The following PVT1 variants were observed in gnomAD, a reference collection of about 807,000 sequenced individuals.
PVT1 encodes the protein Pvt1 oncogene, also known as CXCR4/PVT1 fusion.
At chr8:127,876,055 C>T (rs559474671) in intron 2 of PVT1, among the ~76,000 whole-genome samples, 90 of 152,334 alleles carry the variant, frequency 5.9e-4, no homozygotes, top group African/African-American at 2.0e-3. Flanking sequence ...GCCAGGTTTA[C>T]TGAACAGAGT....
chr8:127,818,446 T>C (rs1437274704), intron 2 of PVT1, among the ~76,000 whole-genome samples: 2 of 152,148 alleles, frequency 1.3e-5, no homozygotes, highest in African/African-American at 4.8e-5. Context: ...CAGGCAGGTC[T>C]CTCTTCCAGG....
chr8:127,806,116 A>T (rs766097906), intron 2 of PVT1, among the ~76,000 whole-genome samples: 3 of 152,216 alleles, frequency 2.0e-5, no homozygotes, highest in Non-Finnish European at 4.4e-5. Context: ...CAAAAAGACA[A>T]ACAGCCTTAT....
chr8:127,850,398 G>C (rs1815095225), intron 2 of PVT1, among the ~76,000 whole-genome samples: 3 of 152,206 alleles, frequency 2.0e-5, no homozygotes, highest in Admixed American at 6.5e-5. Context: ...ACCAGCATCT[G>C]TTGGGGGCAC....
intron 3 of PVT1, among the ~76,000 whole-genome samples, chr8:127,952,683 T>A (rs1181390168): frequency 6.6e-6 from 1 of 152,230 alleles, no homozygotes; most frequent in Non-Finnish European, 1.5e-5. Flanking sequence ...CATTTTCCGA[T>A]GAGGCAACAG....
intron 3 of PVT1, among the ~76,000 whole-genome samples, chr8:127,976,413 A>C (rs1397034812): frequency 1.3e-5 from 2 of 152,216 alleles, no homozygotes; most frequent in Admixed American, 6.5e-5. Context: ...TCCACTGGCT[A>C]CTGAAATCTT....
At chr8:127,940,736 G>A (rs1292330569) in intron 3 of PVT1, among the ~76,000 whole-genome samples, 3 of 151,974 alleles carry the variant, frequency 2.0e-5, no homozygotes, top group Admixed American at 2.0e-4. Flanking sequence ...GAGTAGCTGG[G>A]ACTTCAGGCA....
At chr8:128,012,272 C>T (rs768048210) in intron 4 of PVT1, among the ~76,000 whole-genome samples, 6 of 152,116 alleles carry the variant, frequency 3.9e-5, no homozygotes, top group Non-Finnish European at 8.8e-5. Context: ...AGGCTTGGAC[C>T]TGGGTCTCTA....
chr8:127,837,684 A>G (rs1359138153), intron 2 of PVT1, among the ~76,000 whole-genome samples: 1 of 152,116 alleles, frequency 6.6e-6, no homozygotes, highest in East Asian at 1.9e-4. Flanking sequence ...AAGTGACCCT[A>G]TGAAGCAGAG....
intron 2 of PVT1, among the ~76,000 whole-genome samples, chr8:127,875,768 A>C (rs1815398069): frequency 6.6e-6 from 1 of 152,150 alleles, no homozygotes; most frequent in Non-Finnish European, 1.5e-5. Context: ...CTTCCAAGGG[A>C]AGGGTGGGGA....
At chr8:128,060,310 C>T (rs1467165940) in intron 4 of PVT1, among the ~76,000 whole-genome samples, 1 of 152,158 alleles carries the variant, frequency 6.6e-6, no homozygotes, top group Non-Finnish European at 1.5e-5. Flanking sequence ...GTCTCGCTCT[C>T]ATGATGAGCT....
intron 6 of PVT1, among the ~76,000 whole-genome samples, chr8:128,098,487 G>A (rs3931283): frequency 0.4 from 60,150 of 152,074 alleles, 14,087 homozygotes; most frequent in Non-Finnish European, 0.54. Flanking sequence ...CTCACCATCC[G>A]GTTGCGGCCT....
intron 2 of PVT1, among the ~76,000 whole-genome samples, chr8:127,811,041 G>A (rs1020414162): frequency 1.3e-5 from 2 of 152,116 alleles, no homozygotes; most frequent in African/African-American, 2.4e-5. Context: ...CACACCAGGC[G>A]GGCCTGATCA....
chr8:127,799,383 ACT>A (rs1395463553), intron 2 of PVT1, among the ~76,000 whole-genome samples: 1 of 152,136 alleles, frequency 6.6e-6, no homozygotes, highest in South Asian at 2.1e-4. Flanking sequence ...GCAGAGTGAG[ACT>A]CTGTCTCTGT....
At chr8:127,833,745 A>G (rs1219926674) in intron 2 of PVT1, among the ~76,000 whole-genome samples, 1 of 152,128 alleles carries the variant, frequency 6.6e-6, no homozygotes, top group Non-Finnish European at 1.5e-5. Context: ...TGCCTTATGG[A>G]TCTTAATGTC....
chr8:127,887,456 T>C (rs1252135079), intron 2 of PVT1, among the ~76,000 whole-genome samples: 1 of 152,228 alleles, frequency 6.6e-6, no homozygotes. Context: ...AGGGAACTGC[T>C]TCAATAGGAA....
rs376007012 is a variant in PVT1 at position 128,021,408 on chromosome 8, C to T, written n.912+32117C>T. On this transcript the variant is annotated intron_variant and non_coding_transcript_variant, in intron 4 of 10. Transcript: ENST00000651587. ...TCCTGGGTTCACGCCATTCTCCTGC[C>T]TCAGCCTCCCGAGTAGCTGGGACCA... 1.5e-3 allele frequency among the ~76,000 whole-genome samples: 220 copies of T among 150,338 alleles called. 3 individuals are homozygous for T. The South Asian group carries it at 0.045, about 31-fold the overall frequency.
chr8:128,048,853 T>C (rs1225525629), intron 4 of PVT1, among the ~76,000 whole-genome samples: 1 of 152,224 alleles, frequency 6.6e-6, no homozygotes, highest in Non-Finnish European at 1.5e-5. Context: ...CCTGTTGTTC[T>C]CAGGTGTCTC....
intron 4 of PVT1, among the ~76,000 whole-genome samples, chr8:128,006,992 G>C (rs1817255145): frequency 6.6e-6 from 1 of 152,156 alleles, no homozygotes. Context: ...ATCCTTGACA[G>C]AACTATAACC....
chr8:127,883,568 A>G (rs1815492931), intron 2 of PVT1, among the ~76,000 whole-genome samples: 1 of 152,176 alleles, frequency 6.6e-6, no homozygotes, highest in Admixed American at 6.5e-5. Flanking sequence ...ACATGTATAC[A>G]TATGTAACAA....
Sources: gnomAD v4.1 joint callset for allele counts (sites outside exome capture counted in the v4.1 genomes callset) on GRCh38, gnomAD v4.1.1 for gene constraint, MANE v1.5 for transcripts, NCBI Gene and HGNC (gene_info 2026-07-23, HGNC 2026-07-21) for gene names.